Variants in PDE4D observed in about 807,000 individuals in gnomAD.
PDE4D encodes the protein 3',5'-cyclic-AMP phosphodiesterase 4D.
In PDE4D, 24 loss-of-function variants were observed where a neutral mutation model predicts 87.4. That is an observed-to-expected ratio of 0.27 (90% CI 0.20 to 0.39). The LOEUF is 0.39. PDE4D is among the 10% of genes least tolerant of loss of function. The probability of loss-of-function intolerance (pLI) is 1.00; values close to 1 mark genes in which losing one functional copy is unlikely to be tolerated. For missense variants in PDE4D, 714 were observed against 1,041.0 expected (o/e 0.69, Z 4.32); for synonymous variants, 384 against 383.2 (o/e 1.00, Z -0.02).
Position 60,469,202 on chromosome 5 carries a change from C to A in PDE4D, c.-90+18740G>T, listed in dbSNP as rs1394406985. ...ACCCACTCATCACTATCCCAGGTCTCTGCTCTGAATTTGTCTGCCTTGTTT... is the reference window on the plus strand; with the variant it reads ...ACCCACTCATCACTATCCCAGGTCTATGCTCTGAATTTGTCTGCCTTGTTT... On this transcript the variant is annotated intron_variant, in intron 1 of 16. Coordinates refer to the PDE4D transcript ENST00000502484. Among the ~76,000 whole-genome samples, 5 of 152,174 alleles carry A rather than the reference C, an allele frequency of 3.3e-5. No individual in the cohort carries two copies. In the East Asian group the frequency reaches 9.6e-4, roughly 29 times the overall value.
In PDE4D at chr5:59,399,075, T is replaced by C. The variant is rs1301376636; in HGVS notation, c.456-183107A>G. Among the ~76,000 whole-genome samples the C allele has an allele frequency of 2.3e-5, 3 of 128,878 alleles. 1 individual carries two copies. The highest frequency in any genetic ancestry group is 5.1e-5 in the Non-Finnish European group (3 of 58,468). The allele number at this position is 128,878 out of a possible 152,430, so 84.5% of individuals were successfully genotyped here. ...AACTGCAAACCACTGCTCAATGAAA[T>C]AAAAGAGGATACAAACAAATGGAAG... On this transcript the variant is annotated intron_variant, in intron 1 of 14. Transcript: ENST00000340635.
chr5:59,796,579 T>C (rs1473158357), intron 1 of PDE4D, among the ~76,000 whole-genome samples: 2 of 152,246 alleles, frequency 1.3e-5, no homozygotes. Flanking sequence ...ACACAGTGAC[T>C]ATTAACTGGA....
chr5:60,281,119 C>A (rs1274967151), intron 1 of PDE4D, among the ~76,000 whole-genome samples: 1 of 152,126 alleles, frequency 6.6e-6, no homozygotes, highest in Admixed American at 6.5e-5. Context: ...ACCCCTCCCT[C>A]TCTCTCTACT....
chr5:59,646,238 T>C (rs1057002525), intron 1 of PDE4D, among the ~76,000 whole-genome samples: 1 of 152,214 alleles, frequency 6.6e-6, no homozygotes, highest in African/African-American at 2.4e-5. Flanking sequence ...TCGAGTTGTA[T>C]AAGACATCAG....
intron 2 of PDE4D, among the ~76,000 whole-genome samples, chr5:60,092,471 T>C (rs1344407468): frequency 6.6e-6 from 1 of 152,158 alleles, no homozygotes; most frequent in African/African-American, 2.4e-5. Context: ...AGGATAAATG[T>C]TTGAGGTAAC....
chr5:59,584,065 G>C (rs1824680445), intron 1 of PDE4D, among the ~76,000 whole-genome samples: 1 of 152,214 alleles, frequency 6.6e-6, no homozygotes, highest in Non-Finnish European at 1.5e-5. Flanking sequence ...GGGAGTCTTT[G>C]GAGATGAAAA....
intron 2 of PDE4D, 152 bp downstream of exon 2, chr5:59,215,625 C>T: frequency 1.7e-6 from 1 of 600,388 alleles, no homozygotes; most frequent in Middle Eastern, 4.7e-4. Flanking sequence ...TTAAATCTAC[C>T]ATTCATTTCT....
intron 1 of PDE4D, among the ~76,000 whole-genome samples, chr5:59,417,657 A>AT (rs1275763453): frequency 6.6e-6 from 1 of 152,002 alleles, no homozygotes; most frequent in African/African-American, 2.4e-5. Flanking sequence ...TACTAGTACT[A>AT]TTTTTTGTTG....
intron 1 of PDE4D, among the ~76,000 whole-genome samples, chr5:60,416,716 C>T (rs948575521): frequency 6.6e-6 from 1 of 152,316 alleles, no homozygotes. Context: ...CAAGAGCCCA[C>T]CAATTCTGGA....
chr5:60,416,344 T>C (rs2150076811), intron 1 of PDE4D, among the ~76,000 whole-genome samples: 1 of 152,298 alleles, frequency 6.6e-6, no homozygotes, highest in Admixed American at 6.5e-5. Context: ...TTCCACACTG[T>C]AGAAGCTTTG....
chr5:59,501,758 T>C (rs1157659381), intron 1 of PDE4D, among the ~76,000 whole-genome samples: 3 of 152,096 alleles, frequency 2.0e-5, no homozygotes, highest in African/African-American at 7.2e-5. Context: ...ACTACCTAAC[T>C]ACACTGGGGA....
chr5:60,404,161 C>CA (rs771885095), intron 1 of PDE4D, among the ~76,000 whole-genome samples: 4 of 119,396 alleles, frequency 3.4e-5, no homozygotes, highest in Non-Finnish European at 5.1e-5. Flanking sequence ...TCAGCCAATT[C>CA]TTTTTTTTTT....
At chr5:59,340,025 C>G (rs935812793) in intron 1 of PDE4D, among the ~76,000 whole-genome samples, 1 of 151,416 alleles carries the variant, frequency 6.6e-6, no homozygotes, top group African/African-American at 2.4e-5. Flanking sequence ...TTCTCACCCT[C>G]TCTGGAATCT....
At position 60,508,198 on chromosome 5, in the gene PDE4D, G is replaced by A. The variant is rs114871071; in HGVS notation, n.70+13853C>T. On this transcript the variant is annotated intron_variant and non_coding_transcript_variant, in intron 1 of 2. Coordinates refer to the PDE4D transcript ENST00000506510. Reference sequence around the variant, plus strand: ...ATATGTGGTTATTTTGTGAACCTACGTTGGGTTCCTTGTTGTTCAGGACCA... The same window carrying A: ...ATATGTGGTTATTTTGTGAACCTACATTGGGTTCCTTGTTGTTCAGGACCA... Among the ~76,000 whole-genome samples, 1,125 of 152,300 alleles carry A rather than the reference G, an allele frequency of 7.4e-3. 13 individuals carry two copies. The highest frequency in any genetic ancestry group is 0.026 in the African/African-American group (1,063 of 41,544).
intron 6 of PDE4D, among the ~76,000 whole-genome samples, chr5:58,994,925 C>G (rs1447509878): frequency 8.1e-6 from 1 of 122,890 alleles, no homozygotes; most frequent in Non-Finnish European, 1.6e-5. Flanking sequence ...CCCCCCACCC[C>G]ACAACAAGCC....
Position 59,961,463 on chromosome 5 carries a change from C to T in PDE4D, c.272+27025G>A, listed in dbSNP as rs182345863. 6.4e-3 allele frequency among the ~76,000 whole-genome samples: 969 copies of T among 152,014 alleles called. 10 individuals are homozygous for T. The highest frequency in any genetic ancestry group is 0.022 in the African/African-American group (918 of 41,450). On this transcript the variant is annotated intron_variant, in intron 3 of 16. Coordinates refer to the PDE4D transcript ENST00000502484. ...CCAGAGGGAACCAGCCCTACAGCAC[C>T]TTGATTTTGAACTGTATTCTGAGAT...
At chr5:59,756,701 G>GT in intron 1 of PDE4D, among the ~76,000 whole-genome samples, 1 of 151,908 alleles carries the variant, frequency 6.6e-6, no homozygotes, top group East Asian at 1.9e-4. Context: ...GCAACAGAAG[G>GT]TATGTTTCTC....
intron 1 of PDE4D, among the ~76,000 whole-genome samples, chr5:59,422,180 T>C (rs1379813096): frequency 6.6e-6 from 1 of 152,188 alleles, no homozygotes; most frequent in East Asian, 1.9e-4. Context: ...GAGAACCACA[T>C]GAATGAAGCA....
At chr5:59,799,085 A>T (rs895584557) in intron 1 of PDE4D, among the ~76,000 whole-genome samples, 2 of 152,190 alleles carry the variant, frequency 1.3e-5, no homozygotes, top group Non-Finnish European at 2.9e-5. Flanking sequence ...TCTCATAAAC[A>T]ATAAAAATCT....
Sources: allele counts gnomAD v4.1 joint callset (sites outside exome capture counted in the v4.1 genomes callset), GRCh38; gene constraint gnomAD v4.1.1; transcripts MANE v1.5; gene names NCBI Gene and HGNC (gene_info 2026-07-23, HGNC 2026-07-21).